CELF1: variants seen among roughly 807,000 people sequenced by gnomAD.
CELF1 encodes 50 kDa nuclear polyadenylated RNA-binding protein.
CELF1 carries 10 observed loss-of-function variants against 61.8 expected under a neutral mutation model. The observed-to-expected ratio is 0.16, with a 90% CI of 0.10 to 0.27. The LOEUF is 0.27. Among genes scored for constraint, CELF1 ranks in the 10% least tolerant of loss-of-function variants. CELF1 has a pLI of 1.00. For synonymous variants in CELF1, 236 were observed against 225.1 expected (o/e 1.05, Z -0.43); for missense variants, 380 against 639.1 (o/e 0.59, Z 4.37).
intron 1 of CELF1, among the ~76,000 whole-genome samples, chr11:47,544,075 G>A (rs1418660553): frequency 2.0e-5 from 3 of 152,148 alleles, no homozygotes; most frequent in African/African-American, 4.8e-5. Context: ...AAGGAACAAC[G>A]TCCTGTTTAG....
chr11:47,475,588 T>A (rs183797664), intron 12 of CELF1, 67 bp from the exon 13 acceptor site: 1 of 1,518,612 alleles, frequency 6.6e-7, no homozygotes, highest in Non-Finnish European at 9.0e-7. Context: ...ACAAGTCTAC[T>A]TGGGACATCT....
intron 1 of CELF1, among the ~76,000 whole-genome samples, chr11:47,549,328 A>C (rs559033353): frequency 1.3e-5 from 2 of 152,334 alleles, no homozygotes; most frequent in East Asian, 1.9e-4. Context: ...TATATATCCA[A>C]AACAACTGAT....
At position 47,470,274 on chromosome 11, in the gene CELF1, T is replaced by C. The variant is rs2077390627; in HGVS notation, c.*1956A>G. The C allele has an allele frequency of 8.0e-6, 1 of 124,326 alleles. No homozygotes were observed. Among genetic ancestry groups the C allele is most frequent in the South Asian group, 3.0e-4 (1 of 3,312 alleles). The allele number at this position is 124,326 out of a possible 1,614,324, so 7.7% of individuals were successfully genotyped here. On this transcript the variant is annotated 3_prime_UTR_variant, in exon 15 of 15. Transcript: ENST00000687097. ...GATTCAGAACAGCGCCTCCCCAACCTAGCATTTTTTTCTTTTTTTTTTTTG... is the reference window on the plus strand; with the variant it reads ...GATTCAGAACAGCGCCTCCCCAACCCAGCATTTTTTTCTTTTTTTTTTTTG...
At chr11:47,495,876 C>G in intron 3 of CELF1, 1 of 478,546 alleles carries the variant, frequency 2.1e-6, no homozygotes, top group Non-Finnish European at 2.7e-6. Context: ...TATTTTTTCA[C>G]TCCCCCTTTC....
At chr11:47,536,653 T>C (rs944069880) in intron 1 of CELF1, among the ~76,000 whole-genome samples, 1 of 152,056 alleles carries the variant, frequency 6.6e-6, no homozygotes, top group African/African-American at 2.4e-5. Flanking sequence ...TAATCCCAGC[T>C]ACTCAGAAGG....
rs946866595 is a variant in CELF1 at position 47,505,401 on chromosome 11, A to G, written c.-153-4469T>C. Among the ~76,000 whole-genome samples, 17 of 151,254 alleles carry G rather than the reference A, an allele frequency of 1.1e-4. 1 individual carries two copies. Among genetic ancestry groups the G allele is most frequent in the Non-Finnish European group, 1.9e-4 (13 of 67,640 alleles). ...GGAATCCCAACACTTTAGGAGCCCA[A>G]GATGGGCAGATCACGAGGTCAGATC... On this transcript the variant is annotated intron_variant, in intron 1 of 14. Coordinates refer to ENST00000687097, the MANE Select transcript of CELF1 (RefSeq NM_001376376.1).
chr11:47,557,096 C>T, upstream of CELF1, among the ~76,000 whole-genome samples: 1 of 151,990 alleles, frequency 6.6e-6, no homozygotes. Context: ...GTCGGGGTTT[C>T]CCCATGTTGG....
Position 47,562,388 on chromosome 11 carries a change from G to T in CELF1, c.-11+1963C>A, listed in dbSNP as rs147478828. Among the ~76,000 whole-genome samples, 285 of 151,768 alleles carry T rather than the reference G, an allele frequency of 1.9e-3. 1 individual carries two copies. Among genetic ancestry groups the T allele is most frequent in the Middle Eastern group, 0.01 (3 of 292 alleles). On this transcript the variant is annotated intron_variant, in intron 2 of 3. Coordinates refer to the CELF1 transcript ENST00000525841. ...CAAAAATACAAAAATTCGCCACCAG[G>T]TGTGGTGGTACGCACCTGTGGTCCC...
rs937371237 is a variant in CELF1 at position 47,528,427 on chromosome 11, T to C, written c.-154+24565A>G. Reference sequence around the variant, plus strand: ...AGTTTAAGGACTCAAGACAACAATATACAGTTATTCCATCTCACATTTTTT... The same window carrying C: ...AGTTTAAGGACTCAAGACAACAATACACAGTTATTCCATCTCACATTTTTT... On this transcript the variant is annotated intron_variant, in intron 1 of 14. Coordinates refer to ENST00000687097, the MANE Select transcript of CELF1 (RefSeq NM_001376376.1). Among the ~76,000 whole-genome samples the C allele has an allele frequency of 5.3e-5, 8 of 152,164 alleles. No homozygotes were observed. In the South Asian group the frequency reaches 1.7e-3, roughly 32 times the overall value.
At chr11:47,515,139 C>T (rs2095485718) in intron 1 of CELF1, among the ~76,000 whole-genome samples, 3 of 152,232 alleles carry the variant, frequency 2.0e-5, no homozygotes, top group Admixed American at 6.5e-5. Context: ...GGCAGAATTA[C>T]TAACGCTTCT....
rs1565904714 is a variant in CELF1 at position 47,541,765 on chromosome 11, AG to A, written c.-154+11226del. Among the ~76,000 whole-genome samples the A allele has an allele frequency of 6.0e-3, 80 of 13,296 alleles. 3 individuals carry two copies. The highest frequency in any genetic ancestry group is 0.011 in the African/African-American group (72 of 6,844). The allele number at this position is 13,296 out of a possible 152,430, so 8.7% of individuals were successfully genotyped here. On this transcript the variant is annotated intron_variant, in intron 1 of 14. Coordinates refer to ENST00000687097, the MANE Select transcript of CELF1 (RefSeq NM_001376376.1). ...ACGAAAGAAAGAAAGAACGAAAGAA[AG>A]AACGAAAGAAAGAACGAAAGAAAGA...
At chr11:47,547,091 A>AAAAAAAAAAAAAAAG (rs1390852543) in intron 1 of CELF1, among the ~76,000 whole-genome samples, 1 of 138,676 alleles carries the variant, frequency 7.2e-6, no homozygotes, top group Non-Finnish European at 1.6e-5. Context: ...AAAAAAAAAA[A>AAAAAAAAAAAAAAAG]AAGAAAGAAA....
At chr11:47,524,872 G>A (rs1279774880) in intron 1 of CELF1, 2 of 152,154 alleles carry the variant, frequency 1.3e-5, no homozygotes, top group African/African-American at 2.4e-5. Flanking sequence ...ACATGCTCCA[G>A]ACAAAAAACA....
upstream of CELF1, among the ~76,000 whole-genome samples, chr11:47,554,644 T>C (rs2097198659): frequency 6.6e-6 from 1 of 151,272 alleles, no homozygotes; most frequent in East Asian, 1.9e-4. Flanking sequence ...ATCCAAAACA[T>C]TTATCATTAT....
At chr11:47,501,477 T>A (rs2093890794) in intron 1 of CELF1, among the ~76,000 whole-genome samples, 1 of 152,170 alleles carries the variant, frequency 6.6e-6, no homozygotes, top group African/African-American at 2.4e-5. Flanking sequence ...GATCTTTTAG[T>A]GCAAGAATTC....
chr11:47,510,603 C>T (rs904408879), intron 1 of CELF1, among the ~76,000 whole-genome samples: 9 of 152,084 alleles, frequency 5.9e-5, no homozygotes, highest in Admixed American at 2.0e-4. Flanking sequence ...CCTCCCACCA[C>T]GGCTTCCCAA....
At chr11:47,498,948 C>T (rs2153539650) in intron 3 of CELF1, among the ~76,000 whole-genome samples, 1 of 152,126 alleles carries the variant, frequency 6.6e-6, no homozygotes, top group African/African-American at 2.4e-5. Flanking sequence ...TGGGGGGAAT[C>T]AAGGTCCAGG....
intron 6 of CELF1, among the ~76,000 whole-genome samples, chr11:47,486,334 T>C (rs1452325167): frequency 2.0e-5 from 3 of 151,802 alleles, no homozygotes; most frequent in Non-Finnish European, 4.4e-5. Context: ...AAGAAAAAAC[T>C]GAGACAACTT....
Position 47,487,372 on chromosome 11 carries a change from A to C in CELF1, c.260-131T>G, listed in dbSNP as rs1455669840. The C allele has an allele frequency of 6.4e-6, 4 of 628,262 alleles. No homozygotes were observed. In the African/African-American group the frequency reaches 7.4e-5, roughly 12 times the overall value. The allele number at this position is 628,262 out of a possible 1,614,324, so 38.9% of individuals were successfully genotyped here. Reference sequence around the variant, plus strand: ...TTAAAATTAGTGAGAGGGGGAGGGTAGTGGAAAAGAACGAATAGAATATCT... The same window carrying C: ...TTAAAATTAGTGAGAGGGGGAGGGTCGTGGAAAAGAACGAATAGAATATCT... On this transcript the variant is annotated intron_variant, in intron 4 of 14. Coordinates refer to ENST00000687097, the MANE Select transcript of CELF1 (RefSeq NM_001376376.1).
Sources: allele counts gnomAD v4.1 joint callset (sites outside exome capture counted in the v4.1 genomes callset), GRCh38; gene constraint gnomAD v4.1.1; transcripts MANE v1.5; gene names NCBI Gene and HGNC (gene_info 2026-07-23, HGNC 2026-07-21).